DENND11: variants seen among roughly 807,000 people sequenced by gnomAD.
DENND11 encodes DENN domain-containing protein 11.
In DENND11, 34 loss-of-function variants were observed where a neutral mutation model predicts 49.2. The ratio of observed to expected loss-of-function variants is 0.69; its 90% CI spans 0.53 to 0.92. DENND11 has a LOEUF of 0.92. Ranked by LOEUF, DENND11 falls within the 40% of genes least tolerant of loss-of-function variation. The pLI is 0.00. For missense variants in DENND11, 475 were observed against 581.6 expected, an observed-to-expected ratio of 0.82 and a Z score of 1.88; for synonymous variants, 238 against 230.3, an observed-to-expected ratio of 1.03 and a Z score of -0.30.
chr7:141,679,128 T>C (rs1587218826), intron 3 of DENND11, among the ~76,000 whole-genome samples: 1 of 152,326 alleles, frequency 6.6e-6, no homozygotes, highest in East Asian at 1.9e-4. Context: ...ATTCAAGTAT[T>C]ATCCTAAGCT....
In DENND11 at chr7:141,657,204, T is replaced by C. The variant is rs1264389479; in HGVS notation, c.*5452A>G. The C allele has an allele frequency of 1.3e-5, 2 of 152,562 alleles. No individual in the cohort carries two copies. The highest frequency in any genetic ancestry group is 2.4e-5 in the African/African-American group (1 of 41,448). 9.5% of individuals were successfully genotyped at this position (152,562 alleles called of 1,614,324 possible). On this transcript the variant is annotated 3_prime_UTR_variant, in exon 9 of 9. Coordinates refer to ENST00000536163, the MANE Select transcript of DENND11 (RefSeq NM_001080392.2). The stretch of plus-strand genomic sequence containing the variant: ...TACAACTATTTGTTTAGGCTTATTT[T>C]CCCGGACCTATACAAAAATTCAGTC...
intron 4 of DENND11, among the ~76,000 whole-genome samples, chr7:141,668,043 G>A (rs1472966949): frequency 3.3e-5 from 5 of 152,336 alleles, no homozygotes; most frequent in South Asian, 4.1e-4. Context: ...AGCACGTGCC[G>A]GTTCCTCCCA....
At chr7:141,681,176 A>G (rs1474179777) in intron 3 of DENND11, among the ~76,000 whole-genome samples, 4 of 152,226 alleles carry the variant, frequency 2.6e-5, no homozygotes, top group African/African-American at 9.6e-5. Flanking sequence ...TATGGGAAGC[A>G]GTTGGCAGTA....
intron 4 of DENND11, 117 bp downstream of exon 4, chr7:141,673,950 A>C (rs900628847): frequency 7.1e-6 from 9 of 1,264,724 alleles, no homozygotes; most frequent in Non-Finnish European, 8.6e-6. Flanking sequence ...TTCTATCAAA[A>C]GTAGACATTT....
Position 141,662,654 on chromosome 7 carries a change from T to C in DENND11, c.*2A>G. On this transcript the variant is annotated 3_prime_UTR_variant, in exon 9 of 9. Coordinates refer to ENST00000536163, the MANE Select transcript of DENND11 (RefSeq NM_001080392.2). The stretch of plus-strand genomic sequence containing the variant: ...AGTGGCTCCCAGTCCTGTTGGCTCC[T>C]CCTACGGGCAACAGGGGTTGTCGAT... The C allele has an allele frequency of 1.3e-6, 2 of 1,568,490 alleles. No homozygotes were observed. Among genetic ancestry groups the C allele is most frequent in the East Asian group, 2.3e-5 (1 of 43,310 alleles).
At chr7:141,677,654 G>T (rs1455118616) in intron 3 of DENND11, among the ~76,000 whole-genome samples, 1 of 151,604 alleles carries the variant, frequency 6.6e-6, no homozygotes, top group Non-Finnish European at 1.5e-5. Flanking sequence ...GTAACTTACA[G>T]CTTGTATTAA....
At chr7:141,671,275 C>A (rs1441930423) in intron 4 of DENND11, among the ~76,000 whole-genome samples, 1 of 152,116 alleles carries the variant, frequency 6.6e-6, no homozygotes, top group Non-Finnish European at 1.5e-5. Flanking sequence ...CTCCCGGGTT[C>A]AAGCAGTTCT....
At chr7:141,684,291 G>A (rs558958368) in intron 3 of DENND11, among the ~76,000 whole-genome samples, 10 of 152,036 alleles carry the variant, frequency 6.6e-5, no homozygotes, top group Non-Finnish European at 1.3e-4. Context: ...ATATTGTCAC[G>A]TTTTTCATAA....
chr7:141,696,581 G>T (rs997905805), intron 1 of DENND11, among the ~76,000 whole-genome samples: 26 of 152,150 alleles, frequency 1.7e-4, no homozygotes, highest in African/African-American at 5.6e-4. Flanking sequence ...CTCAGGAGTG[G>T]AACTCCCACC....
intron 8 of DENND11, 187 bp from the exon 9 acceptor site, chr7:141,663,038 G>T (rs1420680955): frequency 2.1e-6 from 1 of 465,644 alleles, no homozygotes; most frequent in Non-Finnish European, 3.7e-6. Context: ...GGTTAGCAAA[G>T]AAACCATTTG....
At position 141,662,713 on chromosome 7, in the gene DENND11, C is replaced by T. The variant is rs1461994438; in HGVS notation, c.1311G>A (p.Leu437=). The change falls in exon 9 of 9, where the codon CTG becomes CTA. Residue 437 remains leucine, a synonymous_variant. Transcript: ENST00000536163. ...PQGDRSFLLD[L]LEAYGIDVML... is the part of the protein sequence containing the mutation. ...TGACATCAATGCCATAGGCCTCCAGCAGGTCCAGGAGAAAGCTCCGGTCTC... is the reference window on the plus strand; with the variant it reads ...TGACATCAATGCCATAGGCCTCCAGTAGGTCCAGGAGAAAGCTCCGGTCTC... 1.9e-6 allele frequency: 3 copies of T among 1,609,646 alleles called. No homozygotes were observed. Among genetic ancestry groups the T allele is most frequent in the Non-Finnish European group, 2.5e-6 (3 of 1,178,188 alleles).
intron 1 of DENND11, among the ~76,000 whole-genome samples, chr7:141,687,701 C>T (rs997660494): frequency 2.4e-4 from 35 of 146,852 alleles, no homozygotes; most frequent in African/African-American, 8.7e-4. Flanking sequence ...GTGGCGCGAT[C>T]TCGGCTCAAT....
chr7:141,664,052 TG>T (rs1385186537), intron 8 of DENND11, 119 bp downstream of exon 8: 2 of 803,878 alleles, frequency 2.5e-6, no homozygotes, highest in Non-Finnish European at 4.0e-6. Flanking sequence ...CGGCTCTAAG[TG>T]CCCTTGGCAG....
In DENND11 at chr7:141,691,775, T is replaced by C. The variant is rs144633062; in HGVS notation, c.269-5117A>G. On this transcript the variant is annotated intron_variant, in intron 1 of 8. Coordinates refer to ENST00000536163, the MANE Select transcript of DENND11 (RefSeq NM_001080392.2). ...AAGTAGGTAGAGCTACTATGGCCCTTATCTCTACATATGATAATCATGTCT... is the reference window on the plus strand; with the variant it reads ...AAGTAGGTAGAGCTACTATGGCCCTCATCTCTACATATGATAATCATGTCT... Among the ~76,000 whole-genome samples the C allele has an allele frequency of 2.0e-3, 302 of 152,312 alleles. 4 individuals are homozygous for C. The highest frequency in any genetic ancestry group is 7.0e-3 in the African/African-American group (291 of 41,570).
rs1266892963 is a variant in DENND11, at chr7:141,664,116, A to G, written c.1172+56T>C. The G allele has an allele frequency of 4.4e-6, 6 of 1,357,408 alleles. No individual in the cohort carries two copies. The African/African-American group carries it at 5.8e-5, about 13-fold the overall frequency. The allele number at this position is 1,357,408 out of a possible 1,614,324, so 84.1% of individuals were successfully genotyped here. On this transcript the variant is annotated intron_variant, in intron 8 of 8. Transcript: ENST00000536163. Reference sequence around the variant, plus strand: ...GAATGACATGGGAGGGATGCAGGTCACTCAGTGCCGAAGGGATCCTCAGGG... The same window carrying G: ...GAATGACATGGGAGGGATGCAGGTCGCTCAGTGCCGAAGGGATCCTCAGGG...
rs1368099780 is a variant in DENND11, at chr7:141,657,343, G to A, written c.*5313C>T. On this transcript the variant is annotated 3_prime_UTR_variant, in exon 9 of 9. Coordinates refer to ENST00000536163, the MANE Select transcript of DENND11 (RefSeq NM_001080392.2). ...CAAGAATCTCCACCATTCTTCACTTGACAGTCTTTGTGGACACGTTAGACC... is the reference window on the plus strand; with the variant it reads ...CAAGAATCTCCACCATTCTTCACTTAACAGTCTTTGTGGACACGTTAGACC... 2.0e-5 allele frequency: 3 copies of A among 152,114 alleles called. No individual in the cohort carries two copies. The highest frequency in any genetic ancestry group is 4.8e-5 in the African/African-American group (2 of 41,428). 9.4% of individuals were successfully genotyped at this position (152,114 alleles called of 1,614,324 possible).
rs1399223633 is a variant in DENND11 at position 141,659,487 on chromosome 7, T to C, written c.*3169A>G. ...CCAAAGGCTGGGCAGTATCATCTGC[T>C]GAGCCTACAGAATTGAAAATGCCCT... On this transcript the variant is annotated 3_prime_UTR_variant, in exon 9 of 9. Coordinates refer to ENST00000536163, the MANE Select transcript of DENND11 (RefSeq NM_001080392.2). 6 of 152,258 alleles carry C rather than the reference T, an allele frequency of 3.9e-5. No individual in the cohort carries two copies. The allele number at this position is 152,258 out of a possible 1,614,324, so 9.4% of individuals were successfully genotyped here. A position where few individuals can be genotyped will look rare whatever the true frequency, so the allele number is the denominator to read the frequency against.
At chr7:141,684,464 A>G (rs956510697) in intron 3 of DENND11, among the ~76,000 whole-genome samples, 89 of 152,266 alleles carry the variant, frequency 5.8e-4, no homozygotes, top group African/African-American at 2.0e-3. Context: ...TATTTTTGTA[A>G]AGATATTTGT....
At chr7:141,683,437 G>T (rs983986421) in intron 3 of DENND11, among the ~76,000 whole-genome samples, 1 of 152,016 alleles carries the variant, frequency 6.6e-6, no homozygotes. Context: ...TCAGGAGTTC[G>T]AGACTAGCCT....
Sources: allele counts gnomAD v4.1 joint callset (sites outside exome capture counted in the v4.1 genomes callset), GRCh38; gene constraint gnomAD v4.1.1; transcripts MANE v1.5; gene names NCBI Gene and HGNC (gene_info 2026-07-23, HGNC 2026-07-21).